G3BP2: variants seen among roughly 807,000 people sequenced by gnomAD.
G3BP2 encodes G3BP stress granule assembly factor 2.
G3BP2 carries 11 observed loss-of-function variants against 56.7 expected under a neutral mutation model. That is an observed-to-expected ratio of 0.19 (90% CI 0.12 to 0.32). The LOEUF (loss-of-function observed/expected upper bound fraction) is 0.32. G3BP2 is among the 10% of genes least tolerant of loss of function. The pLI is 1.00. For missense variants in G3BP2, 340 were observed against 610.9 expected, an observed-to-expected ratio of 0.56 and a Z score of 4.67; for synonymous variants, 165 against 191.6, an observed-to-expected ratio of 0.86 and a Z score of 1.15.
upstream of G3BP2, among the ~76,000 whole-genome samples, chr4:75,677,407 C>G (rs1733915098): frequency 6.6e-6 from 1 of 151,984 alleles, no homozygotes; most frequent in Admixed American, 6.6e-5. Context: ...CCCGTCTCTA[C>G]TAAAAATACA....
intron 3 of G3BP2, among the ~76,000 whole-genome samples, chr4:75,695,221 G>A (rs1719053440): frequency 6.6e-6 from 1 of 152,222 alleles, no homozygotes; most frequent in East Asian, 1.9e-4. Flanking sequence ...CAGGACCCAA[G>A]GAGGGAAGGC....
chr4:75,658,682 G>A (rs773124270), intron 3 of G3BP2, among the ~76,000 whole-genome samples, 161 bp downstream of exon 3: 46 of 150,570 alleles, frequency 3.1e-4, no homozygotes, highest in Non-Finnish European at 5.9e-4. Context: ...AGCTGAGATC[G>A]CACCACTGCA....
chr4:75,703,750 G>C, intron 3 of G3BP2, among the ~76,000 whole-genome samples: 1 of 152,188 alleles, frequency 6.6e-6, no homozygotes, highest in East Asian at 1.9e-4. Context: ...CAGGCACCAG[G>C]ATGTGGATGG....
At chr4:75,715,520 G>A (rs1719897574) in intron 3 of G3BP2, among the ~76,000 whole-genome samples, 1 of 152,142 alleles carries the variant, frequency 6.6e-6, no homozygotes, top group African/African-American at 2.4e-5. Flanking sequence ...GAACACAGTG[G>A]CTTACTCAGC....
At chr4:75,713,881 A>G (rs985028408) in intron 3 of G3BP2, among the ~76,000 whole-genome samples, 1 of 152,262 alleles carries the variant, frequency 6.6e-6, no homozygotes. Context: ...TGAGAAGGAC[A>G]GCACTTCTGT....
intron 1 of G3BP2, among the ~76,000 whole-genome samples, chr4:75,666,332 A>C (rs1028666369): frequency 6.6e-6 from 1 of 152,238 alleles, no homozygotes; most frequent in African/African-American, 2.4e-5. Context: ...ATGGTAAATA[A>C]GTAAGGCAAT....
At chr4:75,658,969 G>A (rs377040095) in intron 2 of G3BP2, 45 bp from the exon 3 acceptor site, 1 of 1,398,630 alleles carries the variant, frequency 7.1e-7, no homozygotes, top group African/African-American at 1.4e-5. Context: ...GTCAAGAGAA[G>A]CCTAAGAAGC....
At chr4:75,684,820 A>G (rs1437597392) in intron 3 of G3BP2, among the ~76,000 whole-genome samples, 1 of 151,868 alleles carries the variant, frequency 6.6e-6, no homozygotes, top group Non-Finnish European at 1.5e-5. Flanking sequence ...AAAGATCCAT[A>G]TTTCATTGTC....
chr4:75,702,805 C>T (rs1448927277), intron 3 of G3BP2, among the ~76,000 whole-genome samples: 8 of 152,152 alleles, frequency 5.3e-5, no homozygotes, highest in African/African-American at 1.9e-4. Context: ...CAAATGCTTC[C>T]ATGAAGTAAA....
At chr4:75,667,686 C>A (rs56728961) in intron 1 of G3BP2, among the ~76,000 whole-genome samples, 22,536 of 152,016 alleles carry the variant, frequency 0.15, 2,233 homozygotes, top group African/African-American at 0.28. Flanking sequence ...GTCAGGAGAT[C>A]GAGACCATCC....
intron 3 of G3BP2, among the ~76,000 whole-genome samples, chr4:75,716,459 G>T (rs569939068): frequency 9.3e-4 from 141 of 152,060 alleles, no homozygotes; most frequent in South Asian, 5.0e-3. Flanking sequence ...ACAGGCGTGA[G>T]CCACCACACC....
rs1731162343 is a variant in G3BP2 at position 75,645,653 on chromosome 4, G to GT, written c.1225dup (p.Thr409AsnfsTer14). ...GGTTTCTCGCTCTCTTGCAGCTCTTGTTTTTTTCTCTTCCACATTTAAACG... is the reference window on the plus strand; with the variant it reads ...GGTTTCTCGCTCTCTTGCAGCTCTTGTTTTTTTTCTCTTCCACATTTAAACG... On this transcript the variant is annotated frameshift_variant, in exon 12 of 12. Transcript: ENST00000359707. LOFTEE classifies it high-confidence loss of function. 1 of 1,613,774 alleles carries GT rather than the reference G, an allele frequency of 6.2e-7. No homozygotes were observed. Among genetic ancestry groups the GT allele is most frequent in the African/African-American group, 1.3e-5 (1 of 74,936 alleles).
At chr4:75,711,952 AAAAAG>A (rs775334974) in intron 3 of G3BP2, among the ~76,000 whole-genome samples, 7 of 152,106 alleles carry the variant, frequency 4.6e-5, no homozygotes, top group African/African-American at 9.7e-5. Context: ...TGTGATTATA[AAAAAG>A]AAAAGCTGGA....
intron 1 of G3BP2, among the ~76,000 whole-genome samples, chr4:75,667,749 G>A (rs1408007083): frequency 6.6e-6 from 1 of 152,064 alleles, no homozygotes; most frequent in Non-Finnish European, 1.5e-5. Flanking sequence ...AATTAGCCAG[G>A]CCTGGTGGTA....
intron 3 of G3BP2, among the ~76,000 whole-genome samples, chr4:75,703,453 T>C (rs1051810625): frequency 1.3e-5 from 2 of 152,170 alleles, no homozygotes; most frequent in Non-Finnish European, 2.9e-5. Context: ...CCTAGACCTT[T>C]AATTGAATAA....
chr4:75,676,364 A>G (rs1410317813), upstream of G3BP2, among the ~76,000 whole-genome samples: 2 of 104,278 alleles, frequency 1.9e-5, no homozygotes, highest in African/African-American at 3.7e-5. Context: ...TTTTTTTGAG[A>G]TGGAGTCTCG....
chr4:75,671,971 A>G (rs968949091), intron 1 of G3BP2, among the ~76,000 whole-genome samples: 5 of 152,206 alleles, frequency 3.3e-5, no homozygotes, highest in African/African-American at 4.8e-5. Flanking sequence ...CCACTCTAGT[A>G]CACCGGGGCT....
intron 3 of G3BP2, among the ~76,000 whole-genome samples, chr4:75,714,534 A>G (rs966603800): frequency 5.3e-5 from 8 of 152,216 alleles, no homozygotes; most frequent in Admixed American, 5.2e-4. Context: ...AGGCAGAGGC[A>G]GGAGAATCAC....
intron 3 of G3BP2, among the ~76,000 whole-genome samples, chr4:75,710,513 C>T (rs1349832766): frequency 6.6e-6 from 1 of 152,150 alleles, no homozygotes; most frequent in Non-Finnish European, 1.5e-5. Context: ...TGAACTTTCT[C>T]CCACAAGAAT....
Sources: allele counts gnomAD v4.1 joint callset (sites outside exome capture counted in the v4.1 genomes callset), GRCh38; gene constraint gnomAD v4.1.1; transcripts MANE v1.5; gene names NCBI Gene and HGNC (gene_info 2026-07-23, HGNC 2026-07-21).